The following SLCO3A1 variants were observed in gnomAD, a reference collection of about 807,000 sequenced individuals.
SLCO3A1 encodes PGE1 transporter.
A neutral mutation model predicts 63.1 loss-of-function variants in SLCO3A1; 27 were observed. That is an observed-to-expected ratio of 0.43 (90% CI 0.32 to 0.59). The LOEUF (loss-of-function observed/expected upper bound fraction) is 0.59, where lower values mean the gene tolerates loss of function less well. Among genes scored for constraint, SLCO3A1 ranks in the 20% least tolerant of loss-of-function variants. The probability of loss-of-function intolerance (pLI) is 0.09; values close to 1 mark genes in which losing one functional copy is unlikely to be tolerated. For synonymous variants in SLCO3A1, 473 were observed against 409.9 expected, an observed-to-expected ratio of 1.15 and a Z score of -1.86; for missense variants, 773 against 945.8, an observed-to-expected ratio of 0.82 and a Z score of 2.40.
At chr15:91,926,598 C>CGCGCGCGCGCGT (rs1555450185) in intron 2 of SLCO3A1, among the ~76,000 whole-genome samples, 1 of 25,580 alleles carries the variant, frequency 3.9e-5, no homozygotes, top group African/African-American at 2.2e-4. Context: ...TGTGTGTGTG[C>CGCGCGCGCGCGT]GCGCGCGCAC....
At chr15:92,071,704 A>T (rs2047218048) in intron 2 of SLCO3A1, among the ~76,000 whole-genome samples, 1 of 152,146 alleles carries the variant, frequency 6.6e-6, no homozygotes, top group Admixed American at 6.5e-5. Context: ...CTCTGGCCCC[A>T]GTTCTTCAGT....
chr15:91,963,106 TG>T (rs1001284724), intron 2 of SLCO3A1, among the ~76,000 whole-genome samples: 1 of 152,112 alleles, frequency 6.6e-6, no homozygotes, highest in African/African-American at 2.4e-5. Context: ...CATGGAGGTT[TG>T]GGGAGTTCCT....
intron 2 of SLCO3A1, among the ~76,000 whole-genome samples, chr15:92,086,152 A>G (rs1200105747): frequency 6.6e-6 from 1 of 152,176 alleles, no homozygotes; most frequent in Non-Finnish European, 1.5e-5. Context: ...GGTGTTTACC[A>G]AGGACTCAGA....
At chr15:91,928,624 A>C (rs957451935) in intron 2 of SLCO3A1, among the ~76,000 whole-genome samples, 1 of 152,240 alleles carries the variant, frequency 6.6e-6, no homozygotes, top group African/African-American at 2.4e-5. Flanking sequence ...TTCTCAGTAT[A>C]GTACCCACCT....
At chr15:92,003,201 T>C (rs1323981242) in intron 2 of SLCO3A1, among the ~76,000 whole-genome samples, 1 of 152,206 alleles carries the variant, frequency 6.6e-6, no homozygotes, top group African/African-American at 2.4e-5. Context: ...TATATCTCTC[T>C]AGTGCCTGGA....
chr15:91,963,408 TGG>T (rs67196103), intron 2 of SLCO3A1, among the ~76,000 whole-genome samples: 5 of 22,932 alleles, frequency 2.2e-4, no homozygotes, highest in African/African-American at 1.2e-3. Context: ...TCGGGGAGGG[TGG>T]GGGGGGGGGG....
chr15:92,048,697 G>A (rs568001860), intron 2 of SLCO3A1, among the ~76,000 whole-genome samples: 8 of 152,254 alleles, frequency 5.3e-5, no homozygotes, highest in African/African-American at 1.7e-4. Flanking sequence ...TCAGGAGTTC[G>A]AGACCAGCCT....
In SLCO3A1 at chr15:92,162,352, G is replaced by C. The variant is rs144071536; in HGVS notation, c.1754-404G>C. 2.3e-3 allele frequency: 392 copies of C among 169,088 alleles called. 2 individuals carry two copies. Among genetic ancestry groups the C allele is most frequent in the South Asian group, 0.017 (108 of 6,388 alleles). The allele number at this position is 169,088 out of a possible 1,614,324, so 10.5% of individuals were successfully genotyped here. A position where few individuals can be genotyped will look rare whatever the true frequency, so the allele number is the denominator to read the frequency against. Reference sequence around the variant, plus strand: ...TTTAGTAGAGACGGGGTTTCACCATGTTGGCCAGGCTGGTCTCAAACTCCT... The same window carrying C: ...TTTAGTAGAGACGGGGTTTCACCATCTTGGCCAGGCTGGTCTCAAACTCCT... On this transcript the variant is annotated intron_variant, in intron 9 of 9. Transcript: ENST00000318445.
At chr15:92,049,310 C>T (rs2046928824) in intron 2 of SLCO3A1, among the ~76,000 whole-genome samples, 1 of 152,074 alleles carries the variant, frequency 6.6e-6, no homozygotes, top group Admixed American at 6.6e-5. Context: ...ATCCAGATTC[C>T]CAGGAAAAAA....
At chr15:92,009,010 T>C (rs984203270) in intron 2 of SLCO3A1, among the ~76,000 whole-genome samples, 1 of 152,184 alleles carries the variant, frequency 6.6e-6, no homozygotes, top group Non-Finnish European at 1.5e-5. Flanking sequence ...GTAGAGAGAA[T>C]GAAAAATATA....
In SLCO3A1 at chr15:92,093,575, C is replaced by T. The variant is rs150228648; in HGVS notation, c.647-1306C>T. On this transcript the variant is annotated intron_variant, in intron 2 of 9. Coordinates refer to ENST00000318445, the MANE Select transcript of SLCO3A1 (RefSeq NM_013272.4). ...CCGGTATTTAAAAACCATTTGCCTT[C>T]CTCTGTGTAGTTTAAGTTGTTTTTC... 1.1e-4 allele frequency among the ~76,000 whole-genome samples: 16 copies of T among 152,242 alleles called. No individual in the cohort carries two copies. The East Asian group carries it at 2.9e-3, about 28-fold the overall frequency.
intron 7 of SLCO3A1, among the ~76,000 whole-genome samples, chr15:92,141,900 T>C (rs994555408): frequency 1.3e-5 from 2 of 152,178 alleles, no homozygotes; most frequent in African/African-American, 2.4e-5. Context: ...GCATTTTCCC[T>C]TGGATCCCCT....
At position 91,916,214 on chromosome 15, in the gene SLCO3A1, G is replaced by A; in HGVS notation, c.402G>A (p.Lys134=). 4 of 1,583,268 alleles carry A rather than the reference G, an allele frequency of 2.5e-6. No homozygotes were observed. Among genetic ancestry groups the A allele is most frequent in the Non-Finnish European group, 2.6e-6 (3 of 1,166,890 alleles). Residue 134 remains lysine, a synonymous_variant, in exon 2 of 10, where the codon AAG becomes AAA. Coordinates refer to ENST00000318445, the MANE Select transcript of SLCO3A1 (RefSeq NM_013272.4). This position sits in a 1 kb window ranked among gnomAD's most constrained non-coding sequence, Gnocchi z 6.2. ...CCGAGTTCCTGACCCACCAGTACAA[G>A]TACGAGGCGGGCGAGATCCGCTGGG... The part of the protein sequence containing the change: ...ALPEFLTHQY[K]YEAGEIRWGA...
intron 2 of SLCO3A1, among the ~76,000 whole-genome samples, chr15:92,081,216 A>G (rs928342775): frequency 1.3e-5 from 2 of 152,052 alleles, no homozygotes; most frequent in African/African-American, 2.4e-5. Context: ...TTTTGCACCC[A>G]TTAACCATCC....
At chr15:92,046,805 C>T (rs2046869534) in intron 2 of SLCO3A1, among the ~76,000 whole-genome samples, 1 of 150,046 alleles carries the variant, frequency 6.7e-6, no homozygotes, top group Non-Finnish European at 1.5e-5. Context: ...CTCAATTTTT[C>T]GTTGTCTGTC....
At chr15:91,895,820 G>A (rs1201813218) in intron 1 of SLCO3A1, among the ~76,000 whole-genome samples, 1 of 152,124 alleles carries the variant, frequency 6.6e-6, no homozygotes, top group Admixed American at 6.5e-5. Context: ...AAATTATGTG[G>A]TGTTTTCCAT....
chr15:92,032,463 T>C (rs1054852494), intron 2 of SLCO3A1, among the ~76,000 whole-genome samples: 6 of 152,164 alleles, frequency 3.9e-5, no homozygotes, highest in African/African-American at 1.4e-4. Flanking sequence ...GGCTGTGTTA[T>C]GTTTTCATTA....
intron 2 of SLCO3A1, among the ~76,000 whole-genome samples, chr15:92,012,174 G>T (rs1291431370): frequency 6.6e-6 from 1 of 152,214 alleles, no homozygotes; most frequent in Non-Finnish European, 1.5e-5. Flanking sequence ...TTGCATGAGT[G>T]CATCTTCTGC....
At chr15:92,012,289 A>G (rs2046377547) in intron 2 of SLCO3A1, among the ~76,000 whole-genome samples, 1 of 152,148 alleles carries the variant, frequency 6.6e-6, no homozygotes, top group Non-Finnish European at 1.5e-5. Context: ...GCCATTAGGA[A>G]TCAGTCTGGA....
Sources: allele counts gnomAD v4.1 joint callset (sites outside exome capture counted in the v4.1 genomes callset), GRCh38; gene constraint gnomAD v4.1.1; non-coding constraint Gnocchi (gnomAD v3.1); transcripts MANE v1.5; gene names NCBI Gene and HGNC (gene_info 2026-07-23, HGNC 2026-07-21).